The following ABHD2 variants were observed in gnomAD, a reference collection of about 807,000 sequenced individuals.
The protein encoded by ABHD2 is abhydrolase domain containing 2, acylglycerol lipase, also known as monoacylglycerol lipase ABHD2.
In ABHD2, 20 loss-of-function variants were observed where a neutral mutation model predicts 48.1. The observed-to-expected ratio is 0.42, with a 90% confidence interval of 0.29 to 0.60. The LOEUF is 0.60. Among genes scored for constraint, ABHD2 ranks in the 20% least tolerant of loss-of-function variants. The pLI is 0.24. For synonymous variants in ABHD2, 209 were observed against 214.2 expected, an observed-to-expected ratio of 0.98 and a Z score of 0.21; for missense variants, 405 against 550.9, an observed-to-expected ratio of 0.74 and a Z score of 2.65.
intron 9 of ABHD2, among the ~76,000 whole-genome samples, chr15:89,192,047 G>T (rs1596166499): frequency 6.6e-6 from 1 of 152,186 alleles, no homozygotes; most frequent in South Asian, 2.1e-4. Flanking sequence ...TTACCTGAAT[G>T]ACCAACAAGC....
chr15:89,184,457 G>A lies in ABHD2; in HGVS notation c.723-967G>A, dbSNP rs1048802650. Among the ~76,000 whole-genome samples the A allele has an allele frequency of 6.6e-6, 1 of 152,168 alleles. No individual in the cohort carries two copies. Among genetic ancestry groups the A allele is most frequent in the African/African-American group, 2.4e-5 (1 of 41,438 alleles). ...GAGTCAGGCCTGGAGATTTTGAAAC[G>A]TGCAAGATAAAAGTTTCCCTGTAAT... is the stretch of plus-strand genomic sequence containing the variant. On this transcript the variant is annotated intron_variant, in intron 6 of 10. Transcript: ENST00000352732. The surrounding 1 kb of genome is among the most constrained non-coding windows in gnomAD (Gnocchi z 5.1).
At chr15:89,121,017 ATGC>A (rs2050041636) in intron 3 of ABHD2, among the ~76,000 whole-genome samples, 1 of 152,210 alleles carries the variant, frequency 6.6e-6, no homozygotes, top group Non-Finnish European at 1.5e-5. Context: ...ACATTCACCC[ATGC>A]TGCTACCTGT....
chr15:89,072,052 C>T, the ABHD2 span, among the ~76,000 whole-genome samples: 1 of 152,340 alleles, frequency 6.6e-6, no homozygotes, highest in African/African-American at 2.4e-5. Flanking sequence ...CTGTAAGAGT[C>T]ATGTCACACT....
chr15:89,140,754 C>T (rs2050389797), intron 3 of ABHD2, among the ~76,000 whole-genome samples: 1 of 152,182 alleles, frequency 6.6e-6, no homozygotes. Context: ...GAGCACCTTA[C>T]TGTATCTTCA....
the ABHD2 span, among the ~76,000 whole-genome samples, chr15:89,067,967 C>G: frequency 2.3e-3 from 352 of 152,252 alleles, 2 homozygotes; most frequent in East Asian, 0.02. Context: ...TAGTGGGACT[C>G]TCTGGCCACA....
chr15:89,146,584 G>A lies in ABHD2; in HGVS notation c.195-5093G>A, dbSNP rs1334192035. The stretch of plus-strand genomic sequence containing the variant: ...AAACATTTATTAACCGCTGGCCACG[G>A]CACAACATTGGCCACAATACCATAA... On this transcript the variant is annotated intron_variant, in intron 3 of 10. Transcript: ENST00000352732. The surrounding 1 kb of genome is among the most constrained non-coding windows in gnomAD (Gnocchi z 4.2). Among the ~76,000 whole-genome samples the A allele has an allele frequency of 1.3e-5, 2 of 152,134 alleles. No individual in the cohort carries two copies. Among genetic ancestry groups the A allele is most frequent in the African/African-American group, 2.4e-5 (1 of 41,438 alleles).
chr15:89,129,207 G>T (rs536237330), intron 3 of ABHD2, among the ~76,000 whole-genome samples: 2 of 152,182 alleles, frequency 1.3e-5, no homozygotes, highest in East Asian at 3.9e-4. Context: ...GGGAGGTTGT[G>T]GGGGTGGGCA....
chr15:89,170,411 T>C (rs1164584971), intron 5 of ABHD2, among the ~76,000 whole-genome samples: 1 of 152,018 alleles, frequency 6.6e-6, no homozygotes, highest in Non-Finnish European at 1.5e-5. Context: ...TCATCCTTTT[T>C]CACCACAGTG....
the ABHD2 span, among the ~76,000 whole-genome samples, chr15:89,056,913 T>G: frequency 6.8e-6 from 1 of 146,048 alleles, no homozygotes; most frequent in Non-Finnish European, 1.5e-5. Flanking sequence ...GATACCTTTT[T>G]TTTTTTTTTT....
In ABHD2 at chr15:89,146,208, A is replaced by G. The variant is rs1478612032; in HGVS notation, c.195-5469A>G. Among the ~76,000 whole-genome samples, 1 of 152,232 alleles carries G rather than the reference A, an allele frequency of 6.6e-6. No homozygotes were observed. The highest frequency in any genetic ancestry group is 1.5e-5 in the Non-Finnish European group (1 of 68,032). ...CTAGCTATAAAATAGTTTGATTTAC[A>G]GCCAAGGAACTTAGGTACCATAAGG... On this transcript the variant is annotated intron_variant, in intron 3 of 10. Coordinates refer to ENST00000352732, the MANE Select transcript of ABHD2 (RefSeq NM_152924.5). The surrounding 1 kb of genome is among the most constrained non-coding windows in gnomAD (Gnocchi z 4.2).
chr15:89,072,540 G>A, the ABHD2 span, among the ~76,000 whole-genome samples: 1 of 143,760 alleles, frequency 7.0e-6, no homozygotes, highest in Middle Eastern at 3.4e-3. Flanking sequence ...GAGGGGAAGG[G>A]GAAGGATGAG....
In ABHD2 at chr15:89,151,640, A is replaced by G; in HGVS notation, c.195-37A>G. 1 of 1,577,738 alleles carries G rather than the reference A, an allele frequency of 6.3e-7. No homozygotes were observed. ...GATTTTTCAGAACGTTGCTCAAGGA[A>G]TGTAGAGAAAATTGACCTCCCTTGT... On this transcript the variant is annotated intron_variant, in intron 3 of 10. Coordinates refer to ENST00000352732, the MANE Select transcript of ABHD2 (RefSeq NM_152924.5). The surrounding 1 kb of genome is among the most constrained non-coding windows in gnomAD (Gnocchi z 4.7).
chr15:89,083,000 G>A (rs1183677062), upstream of ABHD2, among the ~76,000 whole-genome samples: 1 of 152,084 alleles, frequency 6.6e-6, no homozygotes, highest in Non-Finnish European at 1.5e-5. This position sits in a 1 kb window ranked among gnomAD's most constrained non-coding sequence, Gnocchi z 4.4. Flanking sequence ...AATTACAGGC[G>A]CCTGCCACCA....
At chr15:89,078,725 C>CTT in the ABHD2 span, among the ~76,000 whole-genome samples, 1,549 of 143,642 alleles carry the variant, frequency 0.011, 17 homozygotes, top group Non-Finnish European at 0.016. Context: ...ACAATGTAGG[C>CTT]TTTTTTTTTT....
In ABHD2 at chr15:89,175,288, G is replaced by C. The variant is rs184998716; in HGVS notation, c.539-524G>C. 1.3e-5 allele frequency among the ~76,000 whole-genome samples: 2 copies of C among 152,032 alleles called. No individual in the cohort carries two copies. Among genetic ancestry groups the C allele is most frequent in the South Asian group, 2.1e-4 (1 of 4,826 alleles). On this transcript the variant is annotated intron_variant, in intron 5 of 10. Transcript: ENST00000352732. The surrounding 1 kb of genome is among the most constrained non-coding windows in gnomAD (Gnocchi z 5.7). The stretch of plus-strand genomic sequence containing the variant: ...CACCCAGGCTGGAGTGCAGTGATGC[G>C]ATCTTGGCTCACTGTAGCCTCTGCC...
At chr15:89,057,642 T>C in the ABHD2 span, among the ~76,000 whole-genome samples, 2 of 152,316 alleles carry the variant, frequency 1.3e-5, no homozygotes, top group Admixed American at 6.5e-5. Flanking sequence ...GCAGGCCCCG[T>C]TGGGCTCACC....
intron 10 of ABHD2, among the ~76,000 whole-genome samples, chr15:89,193,931 A>G (rs1372476280): frequency 2.0e-5 from 3 of 151,506 alleles, no homozygotes; most frequent in African/African-American, 7.3e-5. Flanking sequence ...AAAAAAAAAA[A>G]AAAAAAAGAA....
At chr15:89,048,887 TTC>T in the ABHD2 span, among the ~76,000 whole-genome samples, 1 of 145,610 alleles carries the variant, frequency 6.9e-6, no homozygotes, top group Non-Finnish European at 1.5e-5. Flanking sequence ...TGAAGCCTCC[TTC>T]TCTCAGCTCG....
chr15:89,134,592 T>C (rs934862068), intron 3 of ABHD2, among the ~76,000 whole-genome samples: 1 of 152,210 alleles, frequency 6.6e-6, no homozygotes, highest in Admixed American at 6.5e-5. Flanking sequence ...TTCATACTTT[T>C]CTTGGCTATT....
Sources: allele counts gnomAD v4.1 joint callset (sites outside exome capture counted in the v4.1 genomes callset), GRCh38; gene constraint gnomAD v4.1.1; non-coding constraint Gnocchi (gnomAD v3.1); transcripts MANE v1.5; gene names NCBI Gene and HGNC (gene_info 2026-07-23, HGNC 2026-07-21).